ITGBL1: variants seen among roughly 807,000 people sequenced by gnomAD.
ITGBL1 encodes the protein integrin beta-like protein 1.
Under a neutral mutation model 68.5 loss-of-function variants are expected in ITGBL1, and 51 were observed. The ratio of observed to expected loss-of-function variants is 0.74; its 90% CI spans 0.59 to 0.94. The LOEUF (loss-of-function observed/expected upper bound fraction) is 0.94, where lower values mean the gene tolerates loss of function less well. Ranked by LOEUF, ITGBL1 falls within the 40% of genes least tolerant of loss-of-function variation. ITGBL1 has a pLI of 0.00. For missense variants in ITGBL1, 649 were observed against 647.4 expected (o/e 1.00, Z -0.03); for synonymous variants, 209 against 227.3 (o/e 0.92, Z 0.72).
At chr13:101,671,411 CA>C (rs71200755) in intron 7 of ITGBL1, among the ~76,000 whole-genome samples, 1 of 144,442 alleles carries the variant, frequency 6.9e-6, no homozygotes, top group African/African-American at 2.5e-5. Flanking sequence ...AGCTATTTGA[CA>C]AAAGTATACC....
intron 7 of ITGBL1, among the ~76,000 whole-genome samples, chr13:101,653,130 G>A (rs992134129): frequency 2.3e-4 from 32 of 141,756 alleles, no homozygotes; most frequent in Non-Finnish European, 3.8e-4. Flanking sequence ...AGGAAGGAAG[G>A]AAACAAGGGG....
chr13:101,651,617 G>T (rs2032753045), intron 7 of ITGBL1, among the ~76,000 whole-genome samples: 1 of 152,070 alleles, frequency 6.6e-6, no homozygotes, highest in Non-Finnish European at 1.5e-5. Flanking sequence ...CCATTCTGTA[G>T]GTTGTGTGTT....
intron 2 of ITGBL1, among the ~76,000 whole-genome samples, chr13:101,547,057 A>G (rs916337577): frequency 3.9e-5 from 6 of 152,094 alleles, no homozygotes; most frequent in African/African-American, 1.4e-4. Context: ...CTTACAACAA[A>G]AGTCAAACCC....
intron 9 of ITGBL1, 185 bp from the exon 10 acceptor site, chr13:101,714,253 T>C: frequency 1.7e-6 from 1 of 593,640 alleles, no homozygotes; most frequent in Non-Finnish European, 3.0e-6. Flanking sequence ...ATGAAGGCTT[T>C]CCTGGGTGAC....
chr13:101,491,361 C>G (rs2048773927), intron 2 of ITGBL1, among the ~76,000 whole-genome samples: 1 of 152,156 alleles, frequency 6.6e-6, no homozygotes, highest in Non-Finnish European at 1.5e-5. Context: ...TCCAAATTAA[C>G]CTACTTTGAA....
intron 2 of ITGBL1, among the ~76,000 whole-genome samples, chr13:101,481,125 T>C (rs2048617003): frequency 6.7e-6 from 1 of 149,220 alleles, no homozygotes; most frequent in East Asian, 2.0e-4. Context: ...CACATATATA[T>C]ACACATGTGC....
chr13:101,713,574 T>A (rs1295546174), intron 9 of ITGBL1: 3 of 152,174 alleles, frequency 2.0e-5, no homozygotes, highest in Non-Finnish European at 2.9e-5. Flanking sequence ...CCTGCTGTCG[T>A]TGAGGCAGTT....
chr13:101,492,097 G>T (rs901160532), intron 2 of ITGBL1, among the ~76,000 whole-genome samples: 9 of 152,148 alleles, frequency 5.9e-5, no homozygotes, highest in Non-Finnish European at 2.9e-5. Flanking sequence ...AAACATATGT[G>T]TGCATGTGTC....
intron 8 of ITGBL1, among the ~76,000 whole-genome samples, chr13:101,704,762 G>T (rs73564269): frequency 0.016 from 2,417 of 152,248 alleles, 74 homozygotes; most frequent in African/African-American, 0.054. Flanking sequence ...AGTCAGTTCC[G>T]ATCTGGCTGA....
At chr13:101,617,966 CTATA>C (rs1226434754) in intron 7 of ITGBL1, among the ~76,000 whole-genome samples, 13 of 152,090 alleles carry the variant, frequency 8.5e-5, no homozygotes, top group Non-Finnish European at 1.9e-4. Context: ...ATTTTTTTCA[CTATA>C]TATTCATGTA....
At chr13:101,541,715 T>C (rs901203417) in intron 2 of ITGBL1, among the ~76,000 whole-genome samples, 2 of 152,320 alleles carry the variant, frequency 1.3e-5, no homozygotes, top group Admixed American at 1.3e-4. Flanking sequence ...AGCTGTTAAT[T>C]ATTGCCTCAA....
chr13:101,587,726 A>G (rs1408038346), intron 6 of ITGBL1, among the ~76,000 whole-genome samples: 1 of 152,234 alleles, frequency 6.6e-6, no homozygotes, highest in Non-Finnish European at 1.5e-5. Context: ...GAACCATATT[A>G]TGTGGTGAAA....
chr13:101,616,551 C>T lies in ITGBL1; in HGVS notation c.1015+18252C>T, dbSNP rs142189803. 1.7e-3 allele frequency among the ~76,000 whole-genome samples: 251 copies of T among 152,004 alleles called. 1 individual carries two copies. The highest frequency in any genetic ancestry group is 5.2e-3 in the African/African-American group (214 of 41,454). On this transcript the variant is annotated intron_variant, in intron 7 of 10. Transcript: ENST00000376180. ...TGTTGCCCAGGCTGGAGTGCAGTGGCGCTATCTCAGCTCACTCCAGCCTCC... is the reference window on the plus strand; with the variant it reads ...TGTTGCCCAGGCTGGAGTGCAGTGGTGCTATCTCAGCTCACTCCAGCCTCC...
chr13:101,645,964 AAC>A (rs1293031010), intron 7 of ITGBL1, among the ~76,000 whole-genome samples: 2 of 152,226 alleles, frequency 1.3e-5, no homozygotes, highest in African/African-American at 4.8e-5. Context: ...TGACTTCAGA[AAC>A]AGTCTCCAGT....
intron 7 of ITGBL1, among the ~76,000 whole-genome samples, chr13:101,681,979 T>C (rs1340958711): frequency 1.3e-5 from 2 of 152,234 alleles, no homozygotes; most frequent in Non-Finnish European, 2.9e-5. Flanking sequence ...CTTTACCTTA[T>C]ACCAGTTTTA....
rs1157791290 is a variant in ITGBL1, at chr13:101,632,423, T to G, written c.1015+34124T>G. Among the ~76,000 whole-genome samples, 3 of 152,226 alleles carry G rather than the reference T, an allele frequency of 2.0e-5. No individual in the cohort carries two copies. The East Asian group carries it at 5.8e-4, about 29-fold the overall frequency. Reference sequence around the variant, plus strand: ...AAAAGCACCAATATGTTGGTTAGGCTGTAAAGCCCAGAACTCTCATACATT... The same window carrying G: ...AAAAGCACCAATATGTTGGTTAGGCGGTAAAGCCCAGAACTCTCATACATT... On this transcript the variant is annotated intron_variant, in intron 7 of 10. Transcript: ENST00000376180.
chr13:101,543,516 G>T (rs1374356774), intron 2 of ITGBL1, among the ~76,000 whole-genome samples: 1 of 152,092 alleles, frequency 6.6e-6, no homozygotes, highest in Non-Finnish European at 1.5e-5. Flanking sequence ...CAACTTTGGT[G>T]AATCTGACAA....
rs1397889291 is a variant in ITGBL1, at chr13:101,655,251, G to C, written c.1016-37334G>C. 2.0e-5 allele frequency among the ~76,000 whole-genome samples: 3 copies of C among 152,190 alleles called. No homozygotes were observed. The East Asian group carries it at 5.8e-4, about 29-fold the overall frequency. On this transcript the variant is annotated intron_variant, in intron 7 of 10. Coordinates refer to ENST00000376180, the MANE Select transcript of ITGBL1 (RefSeq NM_004791.3). ...CACACTGCTAGATTGAAACTAGATTGATGGCACAGAATGGATGTTTTGTTT... is the reference window on the plus strand; with the variant it reads ...CACACTGCTAGATTGAAACTAGATTCATGGCACAGAATGGATGTTTTGTTT...
At chr13:101,598,546 T>C (rs1039925386) in intron 7 of ITGBL1, among the ~76,000 whole-genome samples, 4 of 152,138 alleles carry the variant, frequency 2.6e-5, no homozygotes, top group African/African-American at 7.2e-5. Context: ...TAACTGGTCA[T>C]TTAGCATTAG....
Sources: gnomAD v4.1 joint callset for allele counts (sites outside exome capture counted in the v4.1 genomes callset) on GRCh38, gnomAD v4.1.1 for gene constraint, MANE v1.5 for transcripts, NCBI Gene and HGNC (gene_info 2026-07-23, HGNC 2026-07-21) for gene names.